Variants in EXOC4 observed in about 807,000 individuals in gnomAD.
EXOC4 encodes the protein exocyst complex component 4.
A neutral mutation model predicts 107.2 loss-of-function variants in EXOC4; 71 were observed. The observed-to-expected ratio is 0.66, with a 90% CI of 0.55 to 0.81. The LOEUF (loss-of-function observed/expected upper bound fraction) is 0.81. Ranked by LOEUF, EXOC4 falls within the 30% of genes least tolerant of loss-of-function variation. The pLI is 0.00. For synonymous variants in EXOC4, 456 were observed against 441.2 expected (o/e 1.03, Z -0.42); for missense variants, 1,108 against 1,189.6 (o/e 0.93, Z 1.01).
intron 7 of EXOC4, among the ~76,000 whole-genome samples, chr7:133,424,481 A>G (rs1797679673): frequency 2.0e-5 from 3 of 151,986 alleles, no homozygotes; most frequent in Admixed American, 6.6e-5. Context: ...CAAACTCCGG[A>G]CACACCATCT....
At chr7:133,765,274 T>A (rs1042249995) in intron 10 of EXOC4, among the ~76,000 whole-genome samples, 2 of 152,084 alleles carry the variant, frequency 1.3e-5, no homozygotes, top group Non-Finnish European at 2.9e-5. Context: ...AACATTTAAA[T>A]GAAAGTGATC....
At chr7:133,789,673 A>C (rs1338705901) in intron 10 of EXOC4, among the ~76,000 whole-genome samples, 3 of 152,308 alleles carry the variant, frequency 2.0e-5, no homozygotes, top group South Asian at 2.1e-4. Flanking sequence ...CTGTTATAAT[A>C]ATTGCAGGTT....
At chr7:133,257,132 T>C (rs1417473336) in intron 1 of EXOC4, among the ~76,000 whole-genome samples, 1 of 152,222 alleles carries the variant, frequency 6.6e-6, no homozygotes, top group Admixed American at 6.5e-5. Flanking sequence ...AGGTGGGGCT[T>C]AGGTGAGGGG....
chr7:133,556,820 G>C (rs951000899), intron 9 of EXOC4, among the ~76,000 whole-genome samples: 1 of 152,132 alleles, frequency 6.6e-6, no homozygotes, highest in African/African-American at 2.4e-5. Context: ...CTTGATCTTC[G>C]GGGAATCTGT....
At position 133,589,300 on chromosome 7, in the gene EXOC4, C is replaced by A. The variant is rs574361195; in HGVS notation, c.1418-40745C>A. Among the ~76,000 whole-genome samples, 4 of 152,302 alleles carry A rather than the reference C, an allele frequency of 2.6e-5. No homozygotes were observed. The South Asian group carries it at 8.3e-4, about 32-fold the overall frequency. On this transcript the variant is annotated intron_variant, in intron 9 of 17. Transcript: ENST00000253861. ...CTCTGTCATAATAAGCAGATGGTAT[C>A]GTTCTTTGGCCCTCTAGAAAGCTGA...
At chr7:133,958,726 T>A (rs1488276154) in intron 14 of EXOC4, among the ~76,000 whole-genome samples, 1 of 152,196 alleles carries the variant, frequency 6.6e-6, no homozygotes, top group Non-Finnish European at 1.5e-5. Flanking sequence ...TAGGATATAT[T>A]TACCCTCAGA....
intron 10 of EXOC4, among the ~76,000 whole-genome samples, chr7:133,720,282 T>G (rs1795080998): frequency 6.6e-6 from 1 of 152,202 alleles, no homozygotes; most frequent in African/African-American, 2.4e-5. Flanking sequence ...GTATAGTACC[T>G]ATTTTGCCAA....
chr7:133,679,642 C>T (rs774693680), intron 10 of EXOC4, among the ~76,000 whole-genome samples: 3 of 152,132 alleles, frequency 2.0e-5, no homozygotes, highest in Non-Finnish European at 4.4e-5. Flanking sequence ...TTTAGCTACA[C>T]TTGAATTCCA....
At chr7:133,483,230 G>A (rs73726908) in intron 9 of EXOC4, among the ~76,000 whole-genome samples, 10,716 of 152,222 alleles carry the variant, frequency 0.07, 1,294 homozygotes, top group African/African-American at 0.24. Flanking sequence ...AGGATAGAGA[G>A]CACCATGGAG....
intron 7 of EXOC4, among the ~76,000 whole-genome samples, chr7:133,403,996 G>C (rs1013699820): frequency 7.2e-5 from 11 of 152,044 alleles, no homozygotes; most frequent in African/African-American, 2.7e-4. Context: ...CTCTCTCCCT[G>C]GCTCACCATA....
At chr7:134,072,698 C>T in the EXOC4 span, among the ~76,000 whole-genome samples, 1 of 152,192 alleles carries the variant, frequency 6.6e-6, no homozygotes, top group Non-Finnish European at 1.5e-5. Context: ...TAAAAATGCC[C>T]TCTGTTGCCT....
chr7:134,064,301 G>A lies in EXOC4; in HGVS notation c.2698G>A (p.Glu900Lys), dbSNP rs777087179. 11 of 1,460,576 alleles carry A rather than the reference G, an allele frequency of 7.5e-6. No homozygotes were observed. Among genetic ancestry groups the A allele is most frequent in the South Asian group, 4.5e-5 (3 of 67,278 alleles). 90.5% of individuals were successfully genotyped at this position (1,460,576 alleles called of 1,614,324 possible). Residue 900 changes from glutamate (E) to lysine (K), a missense_variant, in exon 18 of 18, where the codon GAG becomes AAG. Transcript: ENST00000253861. ...ADLDFARQYY[E>K]MLYNTADELL... The stretch of plus-strand genomic sequence containing the variant: ...CTCTTGCTTTCTCAGGCAGTACTAC[G>A]AGATGCTTTACAACACAGCTGACGA...
intron 7 of EXOC4, among the ~76,000 whole-genome samples, chr7:133,408,918 T>C (rs1316345451): frequency 6.6e-6 from 1 of 152,210 alleles, no homozygotes; most frequent in East Asian, 1.9e-4. Flanking sequence ...TATCCAACAA[T>C]TTATTTATAA....
At chr7:133,673,340 C>T (rs1037061313) in intron 10 of EXOC4, among the ~76,000 whole-genome samples, 3 of 152,164 alleles carry the variant, frequency 2.0e-5, no homozygotes, top group Non-Finnish European at 4.4e-5. Flanking sequence ...GATTTTACCC[C>T]AAATCTCTGG....
intron 11 of EXOC4, among the ~76,000 whole-genome samples, chr7:133,851,058 T>G (rs2116256083): frequency 6.6e-6 from 1 of 152,340 alleles, no homozygotes; most frequent in Middle Eastern, 3.4e-3. Flanking sequence ...ATAACTAGAA[T>G]TAAACACAGT....
intron 9 of EXOC4, among the ~76,000 whole-genome samples, chr7:133,562,406 GC>G (rs1800822510): frequency 6.6e-6 from 1 of 152,182 alleles, no homozygotes; most frequent in Admixed American, 6.5e-5. Context: ...TCCCCGGCTT[GC>G]CTGACCTTGC....
At chr7:133,831,636 C>T (rs1021302583) in intron 11 of EXOC4, among the ~76,000 whole-genome samples, 1 of 151,694 alleles carries the variant, frequency 6.6e-6, no homozygotes, top group African/African-American at 2.4e-5. Context: ...TATTGCCTGC[C>T]CCAGCCCTAG....
At chr7:133,469,331 G>A (rs187369172) in intron 7 of EXOC4, among the ~76,000 whole-genome samples, 6 of 152,150 alleles carry the variant, frequency 3.9e-5, no homozygotes, top group African/African-American at 1.4e-4. Context: ...CAGGAGAATC[G>A]CTTGAACCTG....
At chr7:133,957,560 C>T (rs1040645070) in intron 14 of EXOC4, among the ~76,000 whole-genome samples, 5 of 152,162 alleles carry the variant, frequency 3.3e-5, no homozygotes, top group Admixed American at 1.3e-4. Flanking sequence ...GTTAATGTGG[C>T]ATTTCCTGTG....
Sources: allele counts gnomAD v4.1 joint callset (sites outside exome capture counted in the v4.1 genomes callset), GRCh38; gene constraint gnomAD v4.1.1; transcripts MANE v1.5; gene names NCBI Gene and HGNC (gene_info 2026-07-23, HGNC 2026-07-21).